Variants in GATM observed in about 807,000 individuals in gnomAD.
The protein encoded by GATM is glycine amidinotransferase.
GATM carries 23 observed loss-of-function variants against 54.2 expected under a neutral mutation model. That is an observed-to-expected ratio of 0.42 (90% CI 0.31 to 0.60). The LOEUF (loss-of-function observed/expected upper bound fraction) is 0.60. Among genes scored for constraint, GATM ranks in the 20% least tolerant of loss-of-function variants. The pLI, the probability that GATM is intolerant of heterozygous loss-of-function variation, is 0.14. For synonymous variants in GATM, 168 were observed against 183.1 expected (o/e 0.92, Z 0.67); for missense variants, 401 against 544.9 (o/e 0.74, Z 2.63).
intron 1 of GATM, among the ~76,000 whole-genome samples, chr15:45,401,098 T>A (rs1889997795): frequency 6.6e-6 from 1 of 152,184 alleles, no homozygotes. Context: ...CAAGACCTCC[T>A]CCTGCTATTT....
At chr15:45,375,829 T>A (rs1469953419) in intron 2 of GATM, among the ~76,000 whole-genome samples, 1 of 151,982 alleles carries the variant, frequency 6.6e-6, no homozygotes, top group Admixed American at 6.6e-5. Context: ...AGAAGCAGGA[T>A]GAGTAACATG....
At position 45,363,705 on chromosome 15, in the gene GATM, T is replaced by C. The variant is rs3759899; in HGVS notation, c.1159+195A>G. 0.33 allele frequency: 202,146 copies of C among 608,636 alleles called. 40,519 individuals are homozygous for C. The highest frequency in any genetic ancestry group is 0.85 in the East Asian group (30,923 of 36,454). 37.7% of individuals were successfully genotyped at this position (608,636 alleles called of 1,614,324 possible). ...AAGGGGATGTCTCAGGAGCTCAGGATGCATCTCCAACTTGTTGGGGCTACG... is the reference window on the plus strand; with the variant it reads ...AAGGGGATGTCTCAGGAGCTCAGGACGCATCTCCAACTTGTTGGGGCTACG... On this transcript the variant is annotated intron_variant, in intron 8 of 8. Coordinates refer to ENST00000396659, the MANE Select transcript of GATM (RefSeq NM_001482.3).
chr15:45,400,082 C>A (rs371611656), intron 1 of GATM, among the ~76,000 whole-genome samples: 1 of 152,012 alleles, frequency 6.6e-6, no homozygotes, highest in South Asian at 2.1e-4. Context: ...GTTAGCCAGG[C>A]GTGGTGGTAG....
chr15:45,369,510 A>G lies in GATM; in HGVS notation c.300T>C (p.Tyr100=), dbSNP rs746604732. 9 of 1,614,080 alleles carry G rather than the reference A, an allele frequency of 5.6e-6. No homozygotes were observed. Among genetic ancestry groups the G allele is most frequent in the South Asian group, 1.1e-5 (1 of 91,070 alleles). The part of the protein sequence containing the change: ...PFTIEVKANT[Y]EKYWPFYQKQ... ...TCTGGTAAAATGGCCAGTACTTTTC[A>G]TATGTGTTGGCCTGGAAGTAGAAGC... is the stretch of plus-strand genomic sequence containing the variant. Residue 100 remains tyrosine, a synonymous_variant, in exon 3 of 9, where the codon TAT becomes TAC. Coordinates refer to ENST00000396659, the MANE Select transcript of GATM (RefSeq NM_001482.3).
At chr15:45,395,919 T>C (rs1889923530) in intron 3 of GATM, among the ~76,000 whole-genome samples, 1 of 152,210 alleles carries the variant, frequency 6.6e-6, no homozygotes, top group Non-Finnish European at 1.5e-5. Context: ...TTGCTGCTAC[T>C]CATTCATTCA....
intron 2 of GATM, 181 bp from the exon 3 acceptor site, chr15:45,369,702 T>C (rs902461779): frequency 4.8e-6 from 3 of 628,358 alleles, no homozygotes; most frequent in Non-Finnish European, 5.7e-6. Context: ...TCAGTATCTG[T>C]TGAATGAAGA....
intron 2 of GATM, among the ~76,000 whole-genome samples, chr15:45,372,224 T>G (rs1295265858): frequency 2.0e-5 from 3 of 152,146 alleles, no homozygotes; most frequent in African/African-American, 7.2e-5. Flanking sequence ...CAGCTGAGAG[T>G]TGAGTAGTTG....
At chr15:45,382,352 C>A (rs1002707860), upstream of GATM, among the ~76,000 whole-genome samples, 3 of 152,162 alleles carry the variant, frequency 2.0e-5, no homozygotes, top group African/African-American at 7.2e-5. Flanking sequence ...AGATGAAGAT[C>A]TCATTGTAAA....
At position 45,361,958 on chromosome 15, in the gene GATM, G is replaced by A. The variant is rs1231885009; in HGVS notation, c.*151C>T. 3.0e-6 allele frequency: 2 copies of A among 658,474 alleles called. No individual in the cohort carries two copies. The highest frequency in any genetic ancestry group is 6.1e-4 in the Middle Eastern group (2 of 3,272). The allele number at this position is 658,474 out of a possible 1,614,324, so 40.8% of individuals were successfully genotyped here. A position where few individuals can be genotyped will look rare whatever the true frequency, so the allele number is the denominator to read the frequency against. ...GTTATTTTCTTTATGTCAAAGAAAAGTAATAGAAGCAAACCAGGCTTACGA... is the reference window on the plus strand; with the variant it reads ...GTTATTTTCTTTATGTCAAAGAAAAATAATAGAAGCAAACCAGGCTTACGA... On this transcript the variant is annotated 3_prime_UTR_variant, in exon 9 of 9. Coordinates refer to ENST00000396659, the MANE Select transcript of GATM (RefSeq NM_001482.3).
At chr15:45,363,857 A>G (rs1889404103) in intron 8 of GATM, 43 bp downstream of exon 8, 1 of 1,162,252 alleles carries the variant, frequency 8.6e-7, no homozygotes, top group Non-Finnish European at 1.3e-6. Flanking sequence ...CTTCTCATTT[A>G]ACGTTTTCAT....
In GATM at chr15:45,366,120, T is replaced by C. The variant is rs745650207; in HGVS notation, c.904A>G (p.Met302Val). Residue 302 changes from methionine (M) to valine (V), a missense_variant, in exon 6 of 9, where the codon ATG becomes GTG. Physicochemically the swap from Met to Val is conservative, Grantham distance 21 (BLOSUM62 1). Coordinates refer to ENST00000396659, the MANE Select transcript of GATM (RefSeq NM_001482.3). Reference protein sequence around the residue: ...HIISFKDPNPMHIDATFNIIG... With the variant: ...HIISFKDPNPVHIDATFNIIG... ...ATGTTGAAGGTAGCATCAATATGCATGGGATTGGGATCTTTAAAGGAGATG... is the reference window on the plus strand; with the variant it reads ...ATGTTGAAGGTAGCATCAATATGCACGGGATTGGGATCTTTAAAGGAGATG... 1 of 1,614,092 alleles carries C rather than the reference T, an allele frequency of 6.2e-7. No homozygotes were observed. The highest frequency in any genetic ancestry group is 8.5e-7 in the Non-Finnish European group (1 of 1,179,964).
At chr15:45,369,823 A>G in intron 2 of GATM, 1 of 381,186 alleles carries the variant, frequency 2.6e-6, no homozygotes, top group Non-Finnish European at 4.9e-6. Context: ...CCTCTTGGCC[A>G]GTTTTTTTGC....
Position 45,369,398 on chromosome 15 carries a change from C to T in GATM, c.412G>A (p.Gly138Arg). ...GGGTCAGGCCTCCTTACTGTCACTC[C>T]TTCCGTTTTTAAAATATTGCACATT... The part of the protein sequence containing the change: ...EEMCNILKTE[G>R]VTVRRPDPID... Residue 138 changes from glycine to arginine, a missense_variant, in exon 3 of 9, where the codon GGA (glycine) becomes AGA (arginine). Gly to Arg is a moderately radical substitution (Grantham distance 125). This residue lies in a region of GATM where 321 missense variants were observed against 457.5 expected (regional missense o/e 0.70). Coordinates refer to ENST00000396659, the MANE Select transcript of GATM (RefSeq NM_001482.3). 1 of 1,614,146 alleles carries T rather than the reference C, an allele frequency of 6.2e-7. No homozygotes were observed. Among genetic ancestry groups the T allele is most frequent in the African/African-American group, 1.3e-5 (1 of 75,038 alleles).
chr15:45,379,432 T>C (rs1566843716), upstream of GATM: 1 of 152,150 alleles, frequency 6.6e-6, no homozygotes. Flanking sequence ...CTTTTCAATT[T>C]TGGTATCTCA....
intron 3 of GATM, among the ~76,000 whole-genome samples, chr15:45,395,365 T>C (rs1176847406): frequency 2.0e-5 from 3 of 152,220 alleles, no homozygotes; most frequent in Non-Finnish European, 2.9e-5. Context: ...TTTTAGATTT[T>C]TCAAGCTCAT....
intron 8 of GATM, among the ~76,000 whole-genome samples, chr15:45,363,004 C>T (rs1010706735): frequency 4.6e-5 from 7 of 152,102 alleles, no homozygotes; most frequent in Non-Finnish European, 7.4e-5. Flanking sequence ...CTTTCCTAGT[C>T]GCGCATGGTA....
At chr15:45,391,393 C>T (rs746468174) in intron 3 of GATM, among the ~76,000 whole-genome samples, 5 of 152,178 alleles carry the variant, frequency 3.3e-5, no homozygotes, top group African/African-American at 9.7e-5. Context: ...ACCTGGGTGA[C>T]GGAGCGAGAC....
chr15:45,376,724 T>A lies in GATM; in HGVS notation c.165A>T (p.Lys55Asn). 1 of 1,614,206 alleles carries A rather than the reference T, an allele frequency of 6.2e-7. No individual in the cohort carries two copies. The highest frequency in any genetic ancestry group is 8.5e-7 in the Non-Finnish European group (1 of 1,180,044). The change falls in exon 2 of 9, where the codon AAA (lysine) becomes AAT (asparagine). Residue 55 changes from lysine to asparagine, a missense_variant. Lys to Asn is a moderately conservative substitution (Grantham distance 94, BLOSUM62 0). Coordinates refer to ENST00000396659, the MANE Select transcript of GATM (RefSeq NM_001482.3). The part of the protein sequence containing the change: ...SSRNSCAADD[K>N]ATEPLPKDCP... The stretch of plus-strand genomic sequence containing the variant: ...AGTCCTTGGGCAGAGGCTCAGTGGC[T>A]TTGTCGTCAGCTGCACAGGAGTTCC...
chr15:45,373,128 A>T (rs1173010467), intron 2 of GATM: 1 of 152,256 alleles, frequency 6.6e-6, no homozygotes, highest in Non-Finnish European at 1.5e-5. Flanking sequence ...ATATTACACT[A>T]ATCTTGATTA....
Sources: allele counts gnomAD v4.1 joint callset (sites outside exome capture counted in the v4.1 genomes callset), GRCh38; gene constraint gnomAD v4.1.1; regional missense constraint gnomAD v4.1.1; transcripts MANE v1.5; gene names NCBI Gene and HGNC (gene_info 2026-07-23, HGNC 2026-07-21).